HS3ST4: variants seen among roughly 807,000 people sequenced by gnomAD.
The protein encoded by HS3ST4 is heparan sulfate-glucosamine 3-sulfotransferase 4.
In HS3ST4, 17 loss-of-function variants were observed where a neutral mutation model predicts 29.2. That is an observed-to-expected ratio of 0.58 (90% CI 0.40 to 0.87). HS3ST4 has a LOEUF of 0.87. Among genes scored for constraint, HS3ST4 ranks in the 40% least tolerant of loss-of-function variants. The pLI is 0.00. For missense variants in HS3ST4, 627 were observed against 634.5 expected, an observed-to-expected ratio of 0.99 and a Z score of 0.13; for synonymous variants, 314 against 285.7, an observed-to-expected ratio of 1.10 and a Z score of -1.00.
chr16:25,692,483 G>A lies in HS3ST4; in HGVS notation c.66G>A (p.Pro22=). 2.9e-6 allele frequency: 4 copies of A among 1,371,956 alleles called. No homozygotes were observed. Among genetic ancestry groups the A allele is most frequent in the South Asian group, 1.5e-5 (1 of 66,360 alleles). The allele number at this position is 1,371,956 out of a possible 1,614,324, so 85.0% of individuals were successfully genotyped here. ...PPPPPLAAPP[P]PGASAKGPPA... ...CTCCACCTCTGGCCGCGCCGCCGCCGCCCGGCGCCTCTGCTAAGGGGCCGC... is the reference window on the plus strand; with the variant it reads ...CTCCACCTCTGGCCGCGCCGCCGCCACCCGGCGCCTCTGCTAAGGGGCCGC... The change falls in exon 1 of 2, where the codon CCG becomes CCA. Residue 22 remains proline (P), a synonymous_variant. Coordinates refer to ENST00000331351, the MANE Select transcript of HS3ST4 (RefSeq NM_006040.3).
chr16:25,957,572 C>T (rs1968749533), intron 1 of HS3ST4, among the ~76,000 whole-genome samples: 1 of 152,142 alleles, frequency 6.6e-6, no homozygotes, highest in Non-Finnish European at 1.5e-5. Flanking sequence ...CATAGGCCAC[C>T]ACTCACCGCT....
At chr16:26,098,803 A>G (rs948300012) in intron 1 of HS3ST4, among the ~76,000 whole-genome samples, 2 of 152,044 alleles carry the variant, frequency 1.3e-5, no homozygotes, top group Non-Finnish European at 2.9e-5. Context: ...TATGCTGTGC[A>G]GGGGGGTAGA....
At chr16:25,910,379 G>A (rs1968225786) in intron 1 of HS3ST4, among the ~76,000 whole-genome samples, 1 of 152,148 alleles carries the variant, frequency 6.6e-6, no homozygotes, top group South Asian at 2.1e-4. Context: ...GGTAGCTGAT[G>A]CCTGTAATCC....
chr16:25,779,899 G>C (rs940087136), intron 1 of HS3ST4, among the ~76,000 whole-genome samples: 1 of 152,186 alleles, frequency 6.6e-6, no homozygotes, highest in Non-Finnish European at 1.5e-5. Flanking sequence ...TTGGCATCTT[G>C]GCACGCTGCG....
chr16:25,938,139 A>G (rs1158503680), intron 1 of HS3ST4, among the ~76,000 whole-genome samples: 1 of 152,134 alleles, frequency 6.6e-6, no homozygotes, highest in East Asian at 1.9e-4. Flanking sequence ...CCTCTCCCCA[A>G]AGTCAAGCAT....
intron 1 of HS3ST4, among the ~76,000 whole-genome samples, chr16:25,833,773 A>G (rs944249382): frequency 7.9e-5 from 12 of 152,226 alleles, no homozygotes; most frequent in Admixed American, 7.9e-4. Flanking sequence ...TGGAAAAACA[A>G]GAATAATTTG....
At chr16:26,065,236 A>G (rs1290898892) in intron 1 of HS3ST4, among the ~76,000 whole-genome samples, 4 of 152,360 alleles carry the variant, frequency 2.6e-5, no homozygotes, top group African/African-American at 7.2e-5. Flanking sequence ...ATGCCCATCA[A>G]TGATAGACTG....
chr16:25,781,095 G>T (rs1050496373), intron 1 of HS3ST4, among the ~76,000 whole-genome samples: 2 of 152,200 alleles, frequency 1.3e-5, no homozygotes, highest in East Asian at 3.8e-4. Context: ...GCAGCTTGTT[G>T]TTATAAAAGG....
intron 1 of HS3ST4, among the ~76,000 whole-genome samples, chr16:25,863,044 T>A (rs1302949568): frequency 1.3e-5 from 2 of 152,252 alleles, no homozygotes; most frequent in Non-Finnish European, 2.9e-5. Context: ...TTCATTTGGC[T>A]ATTTGGATTT....
chr16:26,120,585 G>C (rs8049916), intron 1 of HS3ST4, among the ~76,000 whole-genome samples: 1 of 152,132 alleles, frequency 6.6e-6, no homozygotes, highest in Non-Finnish European at 1.5e-5. Context: ...GAGCTGGTGC[G>C]TGGCAGTGTG....
intron 1 of HS3ST4, among the ~76,000 whole-genome samples, chr16:25,774,798 C>T (rs1254171626): frequency 6.6e-6 from 1 of 152,206 alleles, no homozygotes; most frequent in African/African-American, 2.4e-5. Flanking sequence ...GTTTCACCTT[C>T]AGAATCTTGA....
intron 1 of HS3ST4, among the ~76,000 whole-genome samples, chr16:26,035,245 A>T (rs1969571779): frequency 6.6e-6 from 1 of 152,236 alleles, no homozygotes; most frequent in African/African-American, 2.4e-5. Context: ...AGAGGTGGTC[A>T]TTATTTGCTT....
At chr16:26,114,877 C>G (rs1230752962) in intron 1 of HS3ST4, among the ~76,000 whole-genome samples, 1 of 152,016 alleles carries the variant, frequency 6.6e-6, no homozygotes, top group Non-Finnish European at 1.5e-5. Context: ...CTCTTTATGG[C>G]TATATTAGGG....
Position 26,129,073 on chromosome 16 carries a change from C to G in HS3ST4, c.735-6539C>G, listed in dbSNP as rs551159168. 4.6e-5 allele frequency among the ~76,000 whole-genome samples: 7 copies of G among 152,338 alleles called. No homozygotes were observed. The East Asian group carries it at 1.4e-3, about 29-fold the overall frequency. On this transcript the variant is annotated intron_variant, in intron 1 of 1. Coordinates refer to ENST00000331351, the MANE Select transcript of HS3ST4 (RefSeq NM_006040.3). ...TCCAGAGAGAATGGGCACTTTATAT[C>G]TAATCCGGGTGATTGCTTTCTCCTT...
intron 1 of HS3ST4, among the ~76,000 whole-genome samples, chr16:26,106,290 C>T (rs1032175954): frequency 6.6e-6 from 1 of 152,182 alleles, no homozygotes; most frequent in African/African-American, 2.4e-5. Context: ...GACCGTCATC[C>T]TGGCTATTTG....
chr16:26,113,581 A>G (rs926756920), intron 1 of HS3ST4, among the ~76,000 whole-genome samples: 11 of 151,300 alleles, frequency 7.3e-5, no homozygotes, highest in African/African-American at 2.4e-4. Flanking sequence ...TCCAGTTTCC[A>G]GCTCTCAGCC....
At chr16:25,852,640 A>C (rs1596591092) in intron 1 of HS3ST4, among the ~76,000 whole-genome samples, 1 of 151,470 alleles carries the variant, frequency 6.6e-6, no homozygotes, top group South Asian at 2.1e-4. Context: ...TATTTCTGTC[A>C]TATAGGATGG....
At chr16:25,762,876 C>CAAAAAAAAAAAAAAAAA (rs67260535) in intron 1 of HS3ST4, among the ~76,000 whole-genome samples, 3 of 60,480 alleles carry the variant, frequency 5.0e-5, no homozygotes, top group Non-Finnish European at 8.9e-5. Context: ...GACCCTGTCT[C>CAAAAAAAAAAAAAAAAA]AAAAAAAAAA....
At chr16:25,857,976 TTTCTG>T (rs1182000683) in intron 1 of HS3ST4, among the ~76,000 whole-genome samples, 16 of 31,170 alleles carry the variant, frequency 5.1e-4, no homozygotes, top group African/African-American at 3.2e-3. Flanking sequence ...TTCTTTCTCT[TTTCTG>T]TCTTTCTTTT....
Sources: allele counts gnomAD v4.1 joint callset (sites outside exome capture counted in the v4.1 genomes callset), GRCh38; gene constraint gnomAD v4.1.1; transcripts MANE v1.5; gene names NCBI Gene and HGNC (gene_info 2026-07-23, HGNC 2026-07-21).